Variants in TMC1 observed in about 807,000 individuals in gnomAD.
TMC1 encodes transmembrane channel-like protein 1.
In TMC1, 84 loss-of-function variants were observed where a neutral mutation model predicts 105.8. The ratio of observed to expected loss-of-function variants is 0.79; its 90% CI spans 0.67 to 0.95. The LOEUF (loss-of-function observed/expected upper bound fraction) is 0.95. Among genes scored for constraint, TMC1 ranks in the 40% least tolerant of loss-of-function variants. The pLI, the probability that TMC1 is intolerant of heterozygous loss-of-function variation, is 0.00. For missense variants in TMC1, 817 were observed against 914.1 expected, an observed-to-expected ratio of 0.89 and a Z score of 1.37; for synonymous variants, 315 against 311.5, an observed-to-expected ratio of 1.01 and a Z score of -0.12.
At chr9:72,725,332 T>C (rs1336071342) in intron 8 of TMC1, among the ~76,000 whole-genome samples, 1 of 91,340 alleles carries the variant, frequency 1.1e-5, no homozygotes, top group South Asian at 4.0e-4. Flanking sequence ...TATGTATATA[T>C]ATATATATAT....
intron 2 of TMC1, among the ~76,000 whole-genome samples, chr9:72,601,185 C>G (rs75514113): frequency 0.3 from 40,950 of 137,362 alleles, 5,933 homozygotes; most frequent in African/African-American, 0.4. Context: ...CACACACACA[C>G]ACACACACAG....
chr9:72,578,598 C>T (rs1339115024), intron 2 of TMC1, among the ~76,000 whole-genome samples: 1 of 152,130 alleles, frequency 6.6e-6, no homozygotes, highest in Admixed American at 6.5e-5. Flanking sequence ...TGCCGTAGGA[C>T]TGTTTTCTAT....
intron 2 of TMC1, among the ~76,000 whole-genome samples, chr9:72,599,421 A>G (rs979727966): frequency 3.3e-5 from 5 of 152,202 alleles, no homozygotes; most frequent in Non-Finnish European, 7.3e-5. Flanking sequence ...CCTTCTTGCC[A>G]AAATCTCCCA....
intron 8 of TMC1, among the ~76,000 whole-genome samples, chr9:72,714,578 G>A (rs531443103): frequency 6.5e-4 from 96 of 146,822 alleles, no homozygotes; most frequent in African/African-American, 2.4e-3. Flanking sequence ...TCGGAGACTA[G>A]GATTGGAACC....
chr9:72,680,520 A>C (rs1437308215), intron 5 of TMC1, among the ~76,000 whole-genome samples: 1 of 152,090 alleles, frequency 6.6e-6, no homozygotes, highest in Non-Finnish European at 1.5e-5. Context: ...TGCTTTTTCT[A>C]TTTTTATAGA....
At chr9:72,789,343 G>C in intron 15 of TMC1, 26 bp downstream of exon 15, 1 of 1,604,612 alleles carries the variant, frequency 6.2e-7, no homozygotes, top group Non-Finnish European at 8.5e-7. Flanking sequence ...CTTTTTATGT[G>C]CTTAGAACCT....
At chr9:72,692,789 A>G (rs13302289) in intron 6 of TMC1, among the ~76,000 whole-genome samples, 1 of 152,126 alleles carries the variant, frequency 6.6e-6, no homozygotes, top group Non-Finnish European at 1.5e-5. Context: ...GATTTGGATG[A>G]CAGAATATAT....
intron 1 of TMC1, among the ~76,000 whole-genome samples, chr9:72,548,041 G>C (rs1014185356): frequency 1.3e-5 from 2 of 152,114 alleles, no homozygotes; most frequent in Admixed American, 1.3e-4. Context: ...CTATTTATGA[G>C]CACTCTACCT....
chr9:72,617,379 G>GTCTTGA (rs1395930280), intron 3 of TMC1, among the ~76,000 whole-genome samples: 1 of 152,080 alleles, frequency 6.6e-6, no homozygotes, highest in Non-Finnish European at 1.5e-5. Flanking sequence ...GGCCAGGCTG[G>GTCTTGA]TCTTGATCCT....
intron 4 of TMC1, among the ~76,000 whole-genome samples, chr9:72,642,039 G>A (rs1172751525): frequency 1.3e-5 from 2 of 151,516 alleles, no homozygotes; most frequent in African/African-American, 4.8e-5. Flanking sequence ...GGCTGGTTTC[G>A]AACTCCTGAC....
At chr9:72,738,069 T>C (rs1203201967) in intron 8 of TMC1, among the ~76,000 whole-genome samples, 1 of 152,158 alleles carries the variant, frequency 6.6e-6, no homozygotes, top group Non-Finnish European at 1.5e-5. Context: ...CCAAACTATG[T>C]CAATCAGCTC....
chr9:72,736,702 C>T (rs773904566), intron 8 of TMC1, among the ~76,000 whole-genome samples: 1 of 152,042 alleles, frequency 6.6e-6, no homozygotes, highest in Non-Finnish European at 1.5e-5. Flanking sequence ...ATGATAACTC[C>T]TATGTATACT....
chr9:72,647,677 G>C (rs541814145), intron 4 of TMC1, among the ~76,000 whole-genome samples: 2 of 152,186 alleles, frequency 1.3e-5, no homozygotes, highest in African/African-American at 4.8e-5. Context: ...TACTGCCTTG[G>C]CTATGTACTA....
At chr9:72,543,275 A>T (rs1823708101) in intron 1 of TMC1, among the ~76,000 whole-genome samples, 1 of 152,114 alleles carries the variant, frequency 6.6e-6, no homozygotes, top group African/African-American at 2.4e-5. Context: ...CCATGAGCAA[A>T]TCCTATCTGT....
intron 17 of TMC1, among the ~76,000 whole-genome samples, chr9:72,793,541 C>T (rs962872535): frequency 6.6e-6 from 1 of 152,212 alleles, no homozygotes; most frequent in African/African-American, 2.4e-5. Context: ...GGTCTCCTAT[C>T]CCTTTCCTCC....
intron 1 of TMC1, among the ~76,000 whole-genome samples, chr9:72,569,981 G>T (rs2132088410): frequency 6.6e-6 from 1 of 151,998 alleles, no homozygotes; most frequent in East Asian, 1.9e-4. Context: ...GTGTGAGGGG[G>T]ATACAAAGTT....
intron 4 of TMC1, among the ~76,000 whole-genome samples, chr9:72,639,209 G>GT: frequency 6.6e-6 from 1 of 152,098 alleles, no homozygotes. Context: ...AGCGATGCTG[G>GT]TGATATTCTA....
At chr9:72,554,460 G>A (rs4129520) in intron 1 of TMC1, among the ~76,000 whole-genome samples, 1 of 151,876 alleles carries the variant, frequency 6.6e-6, no homozygotes, top group Admixed American at 6.6e-5. Context: ...AAGACAGAAC[G>A]CTGGAAATAC....
chr9:72,673,224 A>G (rs897711652), intron 5 of TMC1, among the ~76,000 whole-genome samples: 4 of 152,332 alleles, frequency 2.6e-5, no homozygotes, highest in Non-Finnish European at 2.9e-5. Context: ...AGGAAAATTT[A>G]TAATAGTATA....
Sources: gnomAD v4.1 joint callset for allele counts (sites outside exome capture counted in the v4.1 genomes callset) on GRCh38, gnomAD v4.1.1 for gene constraint, MANE v1.5 for transcripts, NCBI Gene and HGNC (gene_info 2026-07-23, HGNC 2026-07-21) for gene names.